The following ARID1A variants were observed in gnomAD, a reference collection of about 807,000 sequenced individuals.
ARID1A encodes the protein AT-rich interactive domain-containing protein 1A.
A neutral mutation model predicts 212.6 loss-of-function variants in ARID1A; 20 were observed. The ratio of observed to expected loss-of-function variants is 0.09; its 90% CI spans 0.07 to 0.14. The LOEUF is 0.14. Among genes scored for constraint, ARID1A ranks in the 10% least tolerant of loss-of-function variants. The pLI is 1.00. For missense variants in ARID1A, 2,587 were observed against 3,059.0 expected (o/e 0.85, Z 3.64); for synonymous variants, 1,376 against 1,222.1 (o/e 1.13, Z -2.63).
rs745691266 is a variant in ARID1A, at chr1:26,780,714, A to T, written c.6816A>T (p.Ser2272=). 1.3e-6 allele frequency: 2 copies of T among 1,589,782 alleles called. No individual in the cohort carries two copies. Among genetic ancestry groups the T allele is most frequent in the Non-Finnish European group, 1.7e-6 (2 of 1,171,058 alleles). ...SVSPLMNSLV[S]QVICDVLFLI... is the part of the protein sequence containing the mutation. ...CACCGTTGATGAACTCATTGGTTTCACAAGTCATTTGTGATGTACTGTTTT... is the reference window on the plus strand; with the variant it reads ...CACCGTTGATGAACTCATTGGTTTCTCAAGTCATTTGTGATGTACTGTTTT... Residue 2272 remains serine, a synonymous_variant, in exon 20 of 20, where the codon TCA becomes TCT. Coordinates refer to ENST00000324856, the MANE Select transcript of ARID1A (RefSeq NM_006015.6). The surrounding 1 kb of genome is among the most constrained non-coding windows in gnomAD (Gnocchi z 7.2).
At chr1:26,717,366 T>A (rs1339956218) in intron 1 of ARID1A, among the ~76,000 whole-genome samples, 1 of 152,244 alleles carries the variant, frequency 6.6e-6, no homozygotes, top group East Asian at 1.9e-4. Flanking sequence ...TGAACTGTTT[T>A]GTATCTTTGT....
At chr1:26,718,274 C>T (rs565458200) in intron 1 of ARID1A, among the ~76,000 whole-genome samples, 6 of 152,298 alleles carry the variant, frequency 3.9e-5, no homozygotes, top group East Asian at 1.9e-4. Context: ...CGCACCCAGC[C>T]GTTGTTTTGT....
intron 1 of ARID1A, among the ~76,000 whole-genome samples, chr1:26,717,459 TTTTTTTTCTTTCTCAAAAA>T (rs2080514193): frequency 6.6e-6 from 1 of 150,440 alleles, no homozygotes; most frequent in Non-Finnish European, 1.5e-5. Context: ...GAAACTATAC[TTTTTTTTCTTTCTCAAAAA>T]GTACAGCCTA....
chr1:26,697,432 A>AGCTGCGGCGGCGGCC lies in ARID1A; in HGVS notation c.1032_1046dup (p.Ala345_Ala349dup). ...AGTGTTGGGGGGCTGCGGCGGCGGCAGCTGCGGCGGCGGCCGCCTCGGGAG... is the reference window on the plus strand; with the variant it reads ...AGTGTTGGGGGGCTGCGGCGGCGGCAGCTGCGGCGGCGGCCGCTGCGGCGGCGGCCGCCTCGGGAG... On this transcript the variant is annotated inframe_insertion, in exon 1 of 20. Coordinates refer to ENST00000324856, the MANE Select transcript of ARID1A (RefSeq NM_006015.6). 1.5e-6 allele frequency: 2 copies of AGCTGCGGCGGCGGCC among 1,349,902 alleles called. No individual in the cohort carries two copies. Among genetic ancestry groups the AGCTGCGGCGGCGGCC allele is most frequent in the South Asian group, 1.9e-5 (1 of 52,256 alleles). 83.6% of individuals were successfully genotyped at this position (1,349,902 alleles called of 1,614,324 possible).
rs775344166 is a variant in ARID1A, at chr1:26,780,738, T to C, written c.6840T>C (p.Phe2280=). 1.9e-6 allele frequency: 3 copies of C among 1,573,102 alleles called. No homozygotes were observed. The highest frequency in any genetic ancestry group is 1.7e-4 in the Middle Eastern group (1 of 5,972). ...CACAAGTCATTTGTGATGTACTGTT[T>C]TTGATTGGCCAGTCATGACAGCCGT... ...LVSQVICDVL[F]LIGQS is the part of the protein sequence containing the mutation. The change falls in exon 20 of 20, where the codon TTT becomes TTC. Residue 2280 remains phenylalanine (F), a synonymous_variant. Coordinates refer to ENST00000324856, the MANE Select transcript of ARID1A (RefSeq NM_006015.6). The surrounding 1 kb of genome is among the most constrained non-coding windows in gnomAD (Gnocchi z 7.2).
rs768469990 is a variant in ARID1A, at chr1:26,766,264, A to G, written c.2776A>G (p.Thr926Ala). The part of the protein sequence containing the change: ...PNMNQGGMMG[T>A]GPPYGQGINS... Reference sequence around the variant, plus strand: ...TATGAATCAAGGGGGCATGATGGGAACTGGACCTCCTTATGGACAAGGGAT... The same window carrying G: ...TATGAATCAAGGGGGCATGATGGGAGCTGGACCTCCTTATGGACAAGGGAT... Residue 926 changes from threonine to alanine, a missense_variant, in exon 9 of 20, where the codon ACT becomes GCT. Physicochemically the swap from Thr to Ala is moderately conservative, Grantham distance 58. Around this residue, in one of 11 missense-constraint regions of ARID1A, gnomAD observed 674 missense variants for 813.4 expected, o/e 0.83. Transcript: ENST00000324856. 1 of 1,614,070 alleles carries G rather than the reference A, an allele frequency of 6.2e-7. No homozygotes were observed. Among genetic ancestry groups the G allele is most frequent in the Non-Finnish European group, 8.5e-7 (1 of 1,180,014 alleles).
chr1:26,730,328 T>C (rs2080662214), intron 2 of ARID1A, among the ~76,000 whole-genome samples: 1 of 152,194 alleles, frequency 6.6e-6, no homozygotes, highest in African/African-American at 2.4e-5. Context: ...ACAGAAAAGA[T>C]GTTAACAGCA....
chr1:26,747,323 G>A (rs1443712958), intron 4 of ARID1A, among the ~76,000 whole-genome samples: 1 of 152,194 alleles, frequency 6.6e-6, no homozygotes, highest in Non-Finnish European at 1.5e-5. Context: ...CCTCCAAGCT[G>A]CTAGCTTCCT....
chr1:26,752,604 G>A (rs1369260879), intron 4 of ARID1A, among the ~76,000 whole-genome samples: 10 of 152,224 alleles, frequency 6.6e-5, no homozygotes, highest in Non-Finnish European at 1.2e-4. Context: ...AGAGTTTAAG[G>A]CTATTGCCTC....
chr1:26,712,189 T>C (rs532825390), intron 1 of ARID1A, among the ~76,000 whole-genome samples: 1 of 152,242 alleles, frequency 6.6e-6, no homozygotes, highest in Non-Finnish European at 1.5e-5. Context: ...AAGGTCAGTG[T>C]TGGAGCACTA....
intron 1 of ARID1A, among the ~76,000 whole-genome samples, chr1:26,710,204 G>A (rs377284029): frequency 1.2e-3 from 179 of 149,632 alleles, no homozygotes; most frequent in African/African-American, 4.0e-3. Context: ...GGGAGGCCAA[G>A]GCGGGTGGAT....
In ARID1A at chr1:26,761,099, A is replaced by G. The variant is rs2124057260; in HGVS notation, c.2161+3A>G. On this transcript the variant is annotated splice_donor_region_variant and intron_variant, in intron 5 of 19. Transcript: ENST00000324856. ...ACTCTCGCCTGCTGCAGTGCCAGGT[A>G]CCCTCAAGTGCTGGGCTTTAGGGAG... is the stretch of plus-strand genomic sequence containing the variant. The G allele has an allele frequency of 1.2e-6, 2 of 1,613,810 alleles. No individual in the cohort carries two copies. Among genetic ancestry groups the G allele is most frequent in the Non-Finnish European group, 1.7e-6 (2 of 1,179,834 alleles).
At chr1:26,750,878 A>G (rs2080878131) in intron 4 of ARID1A, among the ~76,000 whole-genome samples, 1 of 152,056 alleles carries the variant, frequency 6.6e-6, no homozygotes, top group Non-Finnish European at 1.5e-5. Flanking sequence ...TTAATTTAGC[A>G]TAGAAAAATT....
intron 1 of ARID1A, 46 bp downstream of exon 1, chr1:26,697,586 G>C: frequency 1.6e-6 from 2 of 1,283,096 alleles, no homozygotes; most frequent in Non-Finnish European, 2.0e-6. Flanking sequence ...GTGGTCCTGG[G>C]GGTGGGTGGC....
At chr1:26,743,387 C>T (rs1242004380) in intron 4 of ARID1A, among the ~76,000 whole-genome samples, 1 of 152,096 alleles carries the variant, frequency 6.6e-6, no homozygotes, top group Non-Finnish European at 1.5e-5. Context: ...CTGTATCTGA[C>T]ATCTGTCATG....
chr1:26,755,937 G>T (rs2080931643), intron 4 of ARID1A, among the ~76,000 whole-genome samples: 1 of 151,932 alleles, frequency 6.6e-6, no homozygotes, highest in African/African-American at 2.4e-5. Flanking sequence ...TAGAGACAGG[G>T]TTTCACTATG....
intron 1 of ARID1A, among the ~76,000 whole-genome samples, chr1:26,718,343 GAA>G (rs1441272190): frequency 6.6e-6 from 1 of 152,124 alleles, no homozygotes; most frequent in Non-Finnish European, 1.5e-5. Context: ...TGTTGATAAG[GAA>G]ACAGAGACAA....
In ARID1A at chr1:26,767,919, A is replaced by T. The variant is rs1416966791; in HGVS notation, c.3118A>T (p.Asn1040Tyr). The change falls in exon 11 of 20, where the codon AAT becomes TAT. Residue 1040 changes from asparagine to tyrosine, a missense_variant. This residue lies in a region of ARID1A where 44 missense variants were observed against 99.5 expected (regional missense o/e 0.44). Coordinates refer to ENST00000324856, the MANE Select transcript of ARID1A (RefSeq NM_006015.6). Reference protein sequence around the residue: ...FTEEKAMGMTNLPAVGRKPLD... With the variant: ...FTEEKAMGMTYLPAVGRKPLD... ...TGAGGAGAAGGCCATGGGCATGACA[A>T]ATCTGCCTGCTGTGGGTAGGAAACC... 1 of 1,613,996 alleles carries T rather than the reference A, an allele frequency of 6.2e-7. No homozygotes were observed. The highest frequency in any genetic ancestry group is 8.5e-7 in the Non-Finnish European group (1 of 1,179,994).
At chr1:26,728,425 G>A (rs1053661663) in intron 1 of ARID1A, among the ~76,000 whole-genome samples, 3 of 152,156 alleles carry the variant, frequency 2.0e-5, no homozygotes, top group Non-Finnish European at 4.4e-5. Context: ...TGGAGGTTTT[G>A]TTGTTGTTTA....
Sources: allele counts gnomAD v4.1 joint callset (sites outside exome capture counted in the v4.1 genomes callset), GRCh38; gene constraint gnomAD v4.1.1; regional missense constraint gnomAD v4.1.1; non-coding constraint Gnocchi (gnomAD v3.1); transcripts MANE v1.5; gene names NCBI Gene and HGNC (gene_info 2026-07-23, HGNC 2026-07-21).